Variants in BCAR1 observed in about 807,000 individuals in gnomAD.
BCAR1 encodes breast cancer anti-estrogen resistance protein 1.
In BCAR1, 30 loss-of-function variants were observed where a neutral mutation model predicts 67.6. That is an observed-to-expected ratio of 0.44 (90% CI 0.33 to 0.60). BCAR1 has a LOEUF of 0.60. BCAR1 is among the 20% of genes least tolerant of loss of function. The pLI, the probability that BCAR1 is intolerant of heterozygous loss-of-function variation, is 0.02. For synonymous variants in BCAR1, 626 were observed against 556.7 expected, an observed-to-expected ratio of 1.12 and a Z score of -1.75; for missense variants, 1,313 against 1,222.3, an observed-to-expected ratio of 1.07 and a Z score of -1.11.
rs1383657981 is a variant in BCAR1, at chr16:75,230,036, G to A, written c.2101-13C>T. 6.6e-7 allele frequency: 1 copy of A among 1,524,074 alleles called. No individual in the cohort carries two copies. 94.4% of individuals were successfully genotyped at this position (1,524,074 alleles called of 1,614,324 possible). ...CAAACTGCTTCAGCTGGGGCAGGAGGGAAGCAGGAGCAGGGTTAGGCTCTC... is the reference window on the plus strand; with the variant it reads ...CAAACTGCTTCAGCTGGGGCAGGAGAGAAGCAGGAGCAGGGTTAGGCTCTC... On this transcript the variant is annotated splice_polypyrimidine_tract_variant and intron_variant, in intron 6 of 6. Coordinates refer to ENST00000162330, the MANE Select transcript of BCAR1 (RefSeq NM_014567.5).
rs1555536709 is a variant in BCAR1, at chr16:75,235,727, C to T, written c.1172G>A (p.Arg391His). The part of the protein sequence containing the change: ...PGPGTLYDVP[R>H]ERVLPPEVAD... ...CACCTCAGGAGGAAGCACCCGTTCA[C>T]GGGGCACATCGTACAGGGTGCCCGG... Residue 391 changes from arginine (R) to histidine (H), a missense_variant, in exon 5 of 7, where the codon CGT becomes CAT. Arg to His is a conservative substitution (Grantham distance 29). This residue lies in a region of BCAR1 where 1,272 missense variants were observed against 1,137.5 expected (regional missense o/e 1.12). Transcript: ENST00000162330. 1.6e-5 allele frequency: 25 copies of T among 1,604,946 alleles called. No individual in the cohort carries two copies. Among genetic ancestry groups the T allele is most frequent in the Middle Eastern group, 3.3e-4 (2 of 6,024 alleles).
At chr16:75,251,626 G>T, upstream of BCAR1, 1 of 1,007,048 alleles carries the variant, frequency 9.9e-7, no homozygotes. Flanking sequence ...AGCCGGTCCA[G>T]CCGCTCTCCG....
intron 4 of BCAR1, 101 bp from the exon 5 acceptor site, chr16:75,236,087 T>A (rs1209683611): frequency 1.1e-5 from 15 of 1,405,438 alleles, no homozygotes; most frequent in Non-Finnish European, 1.4e-5. Context: ...CGTACACACA[T>A]ACAGACACAC....
In BCAR1 at chr16:75,251,241, C is replaced by A. The variant is rs1007466294; in HGVS notation, c.12+230G>T. ...CAGGAACCCTCCTACCGGCTGGCGG[C>A]CCCCGCGCCCGGCCCCGCCAACGCA... is the stretch of plus-strand genomic sequence containing the variant. On this transcript the variant is annotated intron_variant, in intron 1 of 6. Transcript: ENST00000162330. Among the ~76,000 whole-genome samples, 278 of 152,096 alleles carry A rather than the reference C, an allele frequency of 1.8e-3. 3 individuals carry two copies. Among genetic ancestry groups the A allele is most frequent in the Non-Finnish European group, 2.3e-3 (159 of 67,944 alleles).
At chr16:75,266,514 G>A (rs1435709349) in intron 1 of BCAR1, 1 of 386,120 alleles carries the variant, frequency 2.6e-6, no homozygotes, top group East Asian at 3.8e-5. Context: ...GCTGGAAGAC[G>A]AGCCTTCGTG....
intron 1 of BCAR1, chr16:75,243,328 C>T (rs1231756175): frequency 1.6e-6 from 1 of 636,202 alleles, no homozygotes; most frequent in African/African-American, 1.8e-5. Flanking sequence ...TCAAAATCCT[C>T]TTGACCACTG....
chr16:75,251,992 A>G (rs1399993131), upstream of BCAR1: 1 of 617,298 alleles, frequency 1.6e-6, no homozygotes. Context: ...CATGGCCTCA[A>G]GTCGACTTGT....
chr16:75,265,998 C>G, intron 1 of BCAR1: 1 of 1,040,638 alleles, frequency 9.6e-7, no homozygotes, highest in Non-Finnish European at 1.2e-6. Flanking sequence ...GCTCCAGCCG[C>G]GCCGCGCATG....
intron 1 of BCAR1, among the ~76,000 whole-genome samples, chr16:75,267,732 A>G (rs1329670843): frequency 6.6e-6 from 1 of 152,048 alleles, no homozygotes; most frequent in African/African-American, 2.4e-5. Flanking sequence ...GGCGGTGGAG[A>G]AAGATCCCTT....
upstream of BCAR1, among the ~76,000 whole-genome samples, chr16:75,254,257 C>T (rs2077734278): frequency 6.6e-6 from 1 of 152,164 alleles, no homozygotes; most frequent in Non-Finnish European, 1.5e-5. Flanking sequence ...GGGACAGGGA[C>T]AGCAGCACTC....
chr16:75,251,492 CG>C lies in BCAR1; in HGVS notation c.-11del, dbSNP rs1485794190. The stretch of plus-strand genomic sequence containing the variant: ...TCACCAGGTGGTTCATGGTGTCCGG[CG>C]GGCCTGGGGCCCCGGCTCTCGCGGG... On this transcript the variant is annotated 5_prime_UTR_variant, in exon 1 of 7. Transcript: ENST00000162330. 7.2e-7 allele frequency: 1 copy of C among 1,390,304 alleles called. No homozygotes were observed. Among genetic ancestry groups the C allele is most frequent in the East Asian group, 3.1e-5 (1 of 31,950 alleles). The allele number at this position is 1,390,304 out of a possible 1,614,324, so 86.1% of individuals were successfully genotyped here. A position where few individuals can be genotyped will look rare whatever the true frequency, so the allele number is the denominator to read the frequency against.
At chr16:75,263,865 G>A (rs1000520571) in intron 1 of BCAR1, 7 of 1,001,118 alleles carry the variant, frequency 7.0e-6, no homozygotes, top group East Asian at 1.0e-4. Flanking sequence ...GCAATTTTCC[G>A]AACACTTCAA....
chr16:75,234,739 A>G, intron 5 of BCAR1, 150 bp downstream of exon 5: 1 of 1,236,274 alleles, frequency 8.1e-7, no homozygotes, highest in Non-Finnish European at 1.1e-6. Flanking sequence ...ACCCTAGCAC[A>G]TGGGGCCAAT....
At chr16:75,232,385 C>T (rs1259067788) in intron 6 of BCAR1, among the ~76,000 whole-genome samples, 3 of 152,270 alleles carry the variant, frequency 2.0e-5, no homozygotes, top group South Asian at 2.1e-4. Flanking sequence ...GTCTCAAACT[C>T]GTGACCTCAA....
At chr16:75,266,794 G>A in intron 1 of BCAR1, 4 of 1,435,314 alleles carry the variant, frequency 2.8e-6, no homozygotes, top group Non-Finnish European at 3.7e-6. Context: ...AGCAAGTGGG[G>A]CTGGGGTCCA....
Position 75,233,943 on chromosome 16 carries a change from G to A in BCAR1, c.2011-8C>T. On this transcript the variant is annotated splice_region_variant and splice_polypyrimidine_tract_variant and intron_variant, in intron 5 of 6. Transcript: ENST00000162330. ...CTCAAACTCCTCCTTCCCCTGGAGG[G>A]CAGAGACAGGGGCTGCGCTGAGGCC... 3 of 1,597,364 alleles carry A rather than the reference G, an allele frequency of 1.9e-6. No homozygotes were observed. The highest frequency in any genetic ancestry group is 1.1e-5 in the South Asian group (1 of 88,524).
chr16:75,235,543 T>G lies in BCAR1; in HGVS notation c.1356A>C (p.Glu452Asp), dbSNP rs201494574. 7.2e-4 allele frequency: 1,155 copies of G among 1,594,156 alleles called. 5 individuals carry two copies. The African/African-American group carries it at 9.1e-3, about 13-fold the overall frequency. ...SSLEVAGPGR[E>D]PLELEVAVEA... is the part of the protein sequence containing the mutation. ...CCACAGCAACTTCCAGCTCCAGGGG[T>G]TCCCGGCCCGGCCCTGCCACCTCCA... Residue 452 changes from glutamate (E) to aspartate (D), a missense_variant, in exon 5 of 7, where the codon GAA becomes GAC. Glu to Asp is a conservative substitution (Grantham distance 45, BLOSUM62 2). Transcript: ENST00000162330.
intron 1 of BCAR1, among the ~76,000 whole-genome samples, chr16:75,262,910 G>A (rs2077936768): frequency 6.6e-6 from 1 of 152,178 alleles, no homozygotes; most frequent in Admixed American, 6.5e-5. Context: ...CAGGTAGAGG[G>A]CTGGCTGCTG....
intron 4 of BCAR1, 170 bp downstream of exon 4, chr16:75,236,712 G>A (rs2077150557): frequency 7.8e-7 from 1 of 1,285,014 alleles, no homozygotes; most frequent in African/African-American, 1.5e-5. Context: ...CTGAGGCTCA[G>A]AAGACAGCTT....
Sources: gnomAD v4.1 joint callset for allele counts (sites outside exome capture counted in the v4.1 genomes callset) on GRCh38, gnomAD v4.1.1 for gene constraint, gnomAD v4.1.1 regional missense constraint, MANE v1.5 for transcripts, NCBI Gene and HGNC (gene_info 2026-07-23, HGNC 2026-07-21) for gene names.